The following SLCO3A1 variants were observed in gnomAD, a reference collection of about 807,000 sequenced individuals.
SLCO3A1 encodes the protein PGE1 transporter.
Under a neutral mutation model 63.1 loss-of-function variants are expected in SLCO3A1, and 27 were observed. The observed-to-expected ratio is 0.43, with a 90% CI of 0.32 to 0.59. The LOEUF is 0.59. Among genes scored for constraint, SLCO3A1 ranks in the 20% least tolerant of loss-of-function variants. SLCO3A1 has a pLI of 0.09. For missense variants in SLCO3A1, 773 were observed against 945.8 expected (o/e 0.82, Z 2.40); for synonymous variants, 473 against 409.9 (o/e 1.15, Z -1.86).
rs185109681 is a variant in SLCO3A1 at position 91,907,624 on chromosome 15, A to T, written c.181-8369A>T. Among the ~76,000 whole-genome samples, 553 of 152,108 alleles carry T rather than the reference A, an allele frequency of 3.6e-3. 7 individuals are homozygous for T. The highest frequency in any genetic ancestry group is 0.013 in the African/African-American group (528 of 41,486). ...ACTGCAGCCTTTGCCTCCCAGGCAG[A>T]TTCTCCTGCCTCAGCCTCCTGAGTA... On this transcript the variant is annotated intron_variant, in intron 1 of 9. Transcript: ENST00000318445.
At chr15:92,011,690 T>C (rs1278297468) in intron 2 of SLCO3A1, among the ~76,000 whole-genome samples, 1 of 152,212 alleles carries the variant, frequency 6.6e-6, no homozygotes, top group African/African-American at 2.4e-5. Context: ...ACTCACCTTC[T>C]CAAAGGAATG....
At chr15:92,098,798 G>A (rs2047570246) in intron 3 of SLCO3A1, among the ~76,000 whole-genome samples, 1 of 152,046 alleles carries the variant, frequency 6.6e-6, no homozygotes, top group Non-Finnish European at 1.5e-5. Context: ...TGATCCTGGG[G>A]ACATCGCACA....
At chr15:91,890,900 T>G (rs145021629) in intron 1 of SLCO3A1, among the ~76,000 whole-genome samples, 337 of 152,340 alleles carry the variant, frequency 2.2e-3, no homozygotes, top group Non-Finnish European at 3.8e-3. Context: ...GGGTGGGGAC[T>G]GCCCATTCAT....
intron 2 of SLCO3A1, among the ~76,000 whole-genome samples, chr15:92,047,925 C>T (rs146325628): frequency 0.015 from 2,303 of 151,874 alleles, 16 homozygotes; most frequent in Non-Finnish European, 0.024. Context: ...ATCTGAGCAA[C>T]GGATGCCCAG....
intron 1 of SLCO3A1, among the ~76,000 whole-genome samples, chr15:91,857,297 G>A (rs1162075330): frequency 6.6e-6 from 1 of 152,120 alleles, no homozygotes; most frequent in Non-Finnish European, 1.5e-5. Context: ...TCTAGATAAA[G>A]TAACCCAGGT....
chr15:91,949,958 C>T (rs1170649845), intron 2 of SLCO3A1, among the ~76,000 whole-genome samples: 1 of 152,092 alleles, frequency 6.6e-6, no homozygotes, highest in Non-Finnish European at 1.5e-5. Context: ...AGTGAGCCCT[C>T]ATGGTGCTAC....
intron 8 of SLCO3A1, chr15:92,148,777 C>T (rs1274773476): frequency 6.6e-6 from 1 of 152,108 alleles, no homozygotes; most frequent in African/African-American, 2.4e-5. Context: ...TTTATTACAA[C>T]GTTAACTATA....
At chr15:92,053,104 T>A (rs1394733791) in intron 2 of SLCO3A1, among the ~76,000 whole-genome samples, 1 of 152,106 alleles carries the variant, frequency 6.6e-6, no homozygotes, top group East Asian at 1.9e-4. Flanking sequence ...TATTCACAAG[T>A]CTTCATTGAG....
intron 2 of SLCO3A1, among the ~76,000 whole-genome samples, chr15:92,078,459 C>T (rs143358323): frequency 5.9e-5 from 9 of 152,316 alleles, no homozygotes; most frequent in East Asian, 1.9e-4. Context: ...AGCCTGACCT[C>T]GGCGCACCTC....
chr15:92,112,749 GT>G (rs2047744737), intron 4 of SLCO3A1, among the ~76,000 whole-genome samples: 2 of 152,320 alleles, frequency 1.3e-5, no homozygotes, highest in Non-Finnish European at 2.9e-5. Context: ...AGATTCATAA[GT>G]GATATCTTAG....
In SLCO3A1 at chr15:92,094,933, C is replaced by G; in HGVS notation, c.699C>G (p.Gly233=). 1 of 1,613,858 alleles carries G rather than the reference C, an allele frequency of 6.2e-7. No individual in the cohort carries two copies. Reference sequence around the variant, plus strand: ...GACCAGCCTGCGGGTTTATCCTGGGCTCTTTCTGTACCAAAATCTACGTGG... The same window carrying G: ...GACCAGCCTGCGGGTTTATCCTGGGGTCTTTCTGTACCAAAATCTACGTGG... The part of the protein sequence containing the change: ...VFGPACGFIL[G]SFCTKIYVDA... Residue 233 remains glycine (G), a synonymous_variant, in exon 3 of 10, where the codon GGC becomes GGG. Coordinates refer to ENST00000318445, the MANE Select transcript of SLCO3A1 (RefSeq NM_013272.4).
At chr15:92,056,345 T>C (rs1424318811) in intron 2 of SLCO3A1, among the ~76,000 whole-genome samples, 2 of 95,804 alleles carry the variant, frequency 2.1e-5, no homozygotes, top group African/African-American at 6.6e-5. Flanking sequence ...TTGCTCCTGC[T>C]TTTTTCTGCT....
chr15:91,870,877 T>G (rs959860180), intron 1 of SLCO3A1, among the ~76,000 whole-genome samples: 3 of 152,114 alleles, frequency 2.0e-5, no homozygotes, highest in Non-Finnish European at 4.4e-5. Context: ...ACAATCTTTT[T>G]TTTTTCCCTT....
At chr15:92,052,744 T>C (rs1056804779) in intron 2 of SLCO3A1, among the ~76,000 whole-genome samples, 3 of 152,222 alleles carry the variant, frequency 2.0e-5, no homozygotes, top group African/African-American at 4.8e-5. Flanking sequence ...ATGTGGCCAG[T>C]CCACACTGAG....
chr15:92,107,951 G>A (rs917354), intron 4 of SLCO3A1, among the ~76,000 whole-genome samples: 41,682 of 152,132 alleles, frequency 0.27, 5,813 homozygotes, highest in South Asian at 0.33. Flanking sequence ...TAAGGTCAGT[G>A]TCACTGTTTA....
intron 2 of SLCO3A1, among the ~76,000 whole-genome samples, chr15:92,055,370 C>G (rs2047009387): frequency 6.6e-6 from 1 of 152,156 alleles, no homozygotes; most frequent in Non-Finnish European, 1.5e-5. Flanking sequence ...GGATAGATTG[C>G]AGAAGTTTCA....
At chr15:92,029,233 A>G (rs1379647344) in intron 2 of SLCO3A1, among the ~76,000 whole-genome samples, 5 of 152,190 alleles carry the variant, frequency 3.3e-5, no homozygotes, top group African/African-American at 9.7e-5. Context: ...CCTGGGGGAA[A>G]AAAAGGAAAC....
At chr15:92,067,909 C>T (rs1407025380) in intron 2 of SLCO3A1, among the ~76,000 whole-genome samples, 2 of 152,162 alleles carry the variant, frequency 1.3e-5, no homozygotes, top group African/African-American at 2.4e-5. Flanking sequence ...GATTCATAGA[C>T]GGCCACCTTC....
At chr15:92,042,822 G>C (rs988357549) in intron 2 of SLCO3A1, among the ~76,000 whole-genome samples, 1 of 152,138 alleles carries the variant, frequency 6.6e-6, no homozygotes, top group Non-Finnish European at 1.5e-5. Context: ...CCTAGGAGAA[G>C]TAAAAAGTTG....
Sources: gnomAD v4.1 joint callset for allele counts (sites outside exome capture counted in the v4.1 genomes callset) on GRCh38, gnomAD v4.1.1 for gene constraint, MANE v1.5 for transcripts, NCBI Gene and HGNC (gene_info 2026-07-23, HGNC 2026-07-21) for gene names.